The following GALNTL6 variants were observed in gnomAD, a reference collection of about 807,000 sequenced individuals.
GALNTL6 encodes the protein polypeptide N-acetylgalactosaminyltransferase like 6, also known as polypeptide N-acetylgalactosaminyltransferase-like 6.
In GALNTL6, 46 loss-of-function variants were observed where a neutral mutation model predicts 73.7. That is an observed-to-expected ratio of 0.62 (90% CI 0.49 to 0.80). The LOEUF is 0.80. Ranked by LOEUF, GALNTL6 falls within the 30% of genes least tolerant of loss-of-function variation. The pLI is 0.00. For synonymous variants in GALNTL6, 259 were observed against 263.7 expected (o/e 0.98, Z 0.17); for missense variants, 604 against 755.0 (o/e 0.80, Z 2.34).
At chr4:171,988,069 T>C (rs1263241714) in intron 2 of GALNTL6, among the ~76,000 whole-genome samples, 1 of 152,160 alleles carries the variant, frequency 6.6e-6, no homozygotes, top group Non-Finnish European at 1.5e-5. Context: ...TTGAGCATAG[T>C]TCGTGATTTT....
chr4:172,863,580 T>G (rs546909981), intron 7 of GALNTL6, among the ~76,000 whole-genome samples: 9 of 152,348 alleles, frequency 5.9e-5, no homozygotes, highest in African/African-American at 1.7e-4. Context: ...GGAATGGCTG[T>G]ATTTACCCAA....
Position 172,193,903 on chromosome 4 carries a change from A to C in GALNTL6, c.139-35753A>C, listed in dbSNP as rs367849729. ...GAGAAATAATCAACAAAAAAATGCCAAAAACTCAAAAAGCCAGAGTGCCTC... is the reference window on the plus strand; with the variant it reads ...GAGAAATAATCAACAAAAAAATGCCCAAAACTCAAAAAGCCAGAGTGCCTC... On this transcript the variant is annotated intron_variant, in intron 2 of 12. Transcript: ENST00000506823. Among the ~76,000 whole-genome samples the C allele has an allele frequency of 1.4e-4, 22 of 152,194 alleles. No homozygotes were observed. In the East Asian group the frequency reaches 4.1e-3, roughly 28 times the overall value.
chr4:171,849,556 A>G (rs1735462963), intron 2 of GALNTL6, among the ~76,000 whole-genome samples: 1 of 152,226 alleles, frequency 6.6e-6, no homozygotes, highest in Non-Finnish European at 1.5e-5. Flanking sequence ...AAATCTTGTA[A>G]GCAATTATTA....
At chr4:171,898,868 C>G (rs114707228) in intron 2 of GALNTL6, among the ~76,000 whole-genome samples, 4,965 of 151,766 alleles carry the variant, frequency 0.033, 151 homozygotes, top group Non-Finnish European at 0.046. Context: ...TAAATTGTAT[C>G]AAAATAAACT....
At chr4:172,925,859 C>T (rs892505793) in intron 8 of GALNTL6, among the ~76,000 whole-genome samples, 2 of 152,156 alleles carry the variant, frequency 1.3e-5, no homozygotes, top group African/African-American at 4.8e-5. Context: ...TTGTTTTAAA[C>T]AACTAAGTAT....
intron 2 of GALNTL6, among the ~76,000 whole-genome samples, chr4:171,976,792 GA>G: frequency 6.6e-6 from 1 of 152,160 alleles, no homozygotes; most frequent in South Asian, 2.1e-4. Flanking sequence ...TTGGAAAATG[GA>G]AGATGTCATT....
chr4:172,229,450 G>A (rs1045079542), intron 2 of GALNTL6, among the ~76,000 whole-genome samples: 2 of 151,946 alleles, frequency 1.3e-5, no homozygotes, highest in Non-Finnish European at 2.9e-5. Context: ...TTGCAGGAGA[G>A]GTGTGCTCTC....
chr4:172,003,813 C>G (rs975962846), intron 2 of GALNTL6, among the ~76,000 whole-genome samples: 10 of 152,136 alleles, frequency 6.6e-5, no homozygotes, highest in African/African-American at 1.7e-4. Context: ...TATGGCTAAT[C>G]AAAAGAAGGT....
chr4:172,836,313 G>A (rs776818375), intron 7 of GALNTL6, among the ~76,000 whole-genome samples: 4 of 152,214 alleles, frequency 2.6e-5, no homozygotes, highest in Admixed American at 6.5e-5. Context: ...GAAAGAGCAC[G>A]ATCTCACAAG....
chr4:173,017,651 T>C (rs941575417), intron 11 of GALNTL6, among the ~76,000 whole-genome samples: 3 of 152,184 alleles, frequency 2.0e-5, no homozygotes, highest in Non-Finnish European at 4.4e-5. Flanking sequence ...ATGTATCACC[T>C]TGGATGCAGG....
At chr4:172,328,911 T>C (rs983849896) in intron 4 of GALNTL6, among the ~76,000 whole-genome samples, 46 of 152,296 alleles carry the variant, frequency 3.0e-4, no homozygotes, top group African/African-American at 1.0e-3. Flanking sequence ...CTAGTGGAGT[T>C]GTTTGGAGAA....
At position 172,350,574 on chromosome 4, in the gene GALNTL6, ATTACT is replaced by A. The variant is rs555070761; in HGVS notation, c.553+1889_553+1893del. Among the ~76,000 whole-genome samples, 275 of 152,312 alleles carry A rather than the reference ATTACT, an allele frequency of 1.8e-3. 1 individual carries two copies. Among genetic ancestry groups the A allele is most frequent in the Non-Finnish European group, 3.0e-3 (205 of 68,024 alleles). On this transcript the variant is annotated intron_variant, in intron 5 of 12. Coordinates refer to ENST00000506823, the MANE Select transcript of GALNTL6 (RefSeq NM_001034845.3). ...CTAATGGACATTTCTAAGGATAATC[ATTACT>A]TTAACGCTTAGGTAAAACTTTCATT... is the stretch of plus-strand genomic sequence containing the variant.
At chr4:172,156,041 C>T (rs902370776) in intron 2 of GALNTL6, among the ~76,000 whole-genome samples, 1 of 151,762 alleles carries the variant, frequency 6.6e-6, no homozygotes, top group African/African-American at 2.4e-5. Flanking sequence ...CAACAGGAGG[C>T]GGTGTGGAGC....
intron 10 of GALNTL6, among the ~76,000 whole-genome samples, chr4:172,982,667 G>A (rs371693822): frequency 6.6e-6 from 1 of 152,156 alleles, no homozygotes; most frequent in South Asian, 2.1e-4. Context: ...CAGGTTGAAT[G>A]GCAGCCCACA....
chr4:171,856,060 T>C (rs527532440), intron 2 of GALNTL6, among the ~76,000 whole-genome samples: 1 of 152,290 alleles, frequency 6.6e-6, no homozygotes, highest in African/African-American at 2.4e-5. Context: ...TATTTTTCAT[T>C]CCCTAAAGAA....
intron 2 of GALNTL6, among the ~76,000 whole-genome samples, chr4:171,858,872 A>G (rs995497780): frequency 1.3e-5 from 2 of 152,158 alleles, no homozygotes; most frequent in Non-Finnish European, 2.9e-5. Context: ...CTATAAAATT[A>G]ATAAGATATA....
intron 9 of GALNTL6, among the ~76,000 whole-genome samples, chr4:172,937,276 A>C (rs1748670108): frequency 6.6e-6 from 1 of 152,198 alleles, no homozygotes; most frequent in African/African-American, 2.4e-5. Context: ...TTTCGAATGC[A>C]AGGAGCATTT....
At chr4:172,119,765 G>T (rs568302247) in intron 2 of GALNTL6, among the ~76,000 whole-genome samples, 1 of 152,268 alleles carries the variant, frequency 6.6e-6, no homozygotes, top group South Asian at 2.1e-4. Context: ...CAACCTGCAA[G>T]CTGCATGCCA....
intron 2 of GALNTL6, among the ~76,000 whole-genome samples, chr4:172,080,212 G>A (rs1040192227): frequency 6.6e-5 from 10 of 151,966 alleles, no homozygotes; most frequent in Admixed American, 6.6e-5. Context: ...ACAAGCTCTC[G>A]CTTTGTTGCT....
Sources: allele counts gnomAD v4.1 joint callset (sites outside exome capture counted in the v4.1 genomes callset), GRCh38; gene constraint gnomAD v4.1.1; transcripts MANE v1.5; gene names NCBI Gene and HGNC (gene_info 2026-07-23, HGNC 2026-07-21).